Variants in NFIA observed in about 807,000 individuals in gnomAD.
NFIA encodes the protein nuclear factor 1 A-type.
Under a neutral mutation model 62.8 loss-of-function variants are expected in NFIA, and 8 were observed. The observed-to-expected ratio is 0.13, with a 90% CI of 0.07 to 0.23. The LOEUF (loss-of-function observed/expected upper bound fraction) is 0.23. NFIA is among the 10% of genes least tolerant of loss of function. The pLI is 1.00. For synonymous variants in NFIA, 235 were observed against 238.1 expected (o/e 0.99, Z 0.12); for missense variants, 410 against 642.1 (o/e 0.64, Z 3.91).
intron 2 of NFIA, among the ~76,000 whole-genome samples, chr1:61,198,203 A>G (rs1392683517): frequency 6.6e-6 from 1 of 152,232 alleles, no homozygotes; most frequent in Non-Finnish European, 1.5e-5. Flanking sequence ...CAGAAAAAAA[A>G]TTCTGGGAGA....
upstream of NFIA, among the ~76,000 whole-genome samples, chr1:61,081,386 G>T (rs578130431): frequency 1.4e-4 from 21 of 151,972 alleles, no homozygotes; most frequent in Non-Finnish European, 3.1e-4. Flanking sequence ...TCCATTTTAA[G>T]AACTATTACC....
rs1054280550 is a variant in NFIA, at chr1:61,460,874, G to A, written c.*5554G>A. ...CAAAGTTATGTTAGTCTTTTTTTCC[G>A]ACTTGGTTCTTGTCAGCTAGGTTTA... On this transcript the variant is annotated 3_prime_UTR_variant, in exon 11 of 11. Transcript: ENST00000403491. 7.2e-5 allele frequency: 11 copies of A among 152,032 alleles called. No individual in the cohort carries two copies. The highest frequency in any genetic ancestry group is 1.2e-4 in the Non-Finnish European group (8 of 68,002). 9.4% of individuals were successfully genotyped at this position (152,032 alleles called of 1,614,324 possible).
intron 2 of NFIA, among the ~76,000 whole-genome samples, chr1:61,140,598 A>G (rs1010967574): frequency 6.6e-6 from 1 of 152,046 alleles, no homozygotes; most frequent in Admixed American, 6.6e-5. Flanking sequence ...AGCCTGGGAT[A>G]TGGAGAACTC....
At chr1:61,205,386 G>A (rs1652826471) in intron 2 of NFIA, among the ~76,000 whole-genome samples, 2 of 152,128 alleles carry the variant, frequency 1.3e-5, no homozygotes, top group Non-Finnish European at 2.9e-5. Flanking sequence ...CTTAGCAGTT[G>A]TATAAAAAGC....
chr1:61,340,754 G>C (rs575713741), intron 4 of NFIA, among the ~76,000 whole-genome samples: 1 of 151,296 alleles, frequency 6.6e-6, no homozygotes, highest in African/African-American at 2.5e-5. Context: ...TAGAATTCAT[G>C]TTCTAACAAC....
At chr1:61,281,281 G>A (rs1292048930) in intron 3 of NFIA, among the ~76,000 whole-genome samples, 3 of 151,742 alleles carry the variant, frequency 2.0e-5, no homozygotes, top group South Asian at 2.1e-4. Context: ...CTAAAAGGAC[G>A]TATCTCATGA....
At chr1:61,235,499 TAAATAAAAATAAAAAATA>T (rs1201805994) in intron 2 of NFIA, among the ~76,000 whole-genome samples, 1 of 142,802 alleles carries the variant, frequency 7.0e-6, no homozygotes, top group Admixed American at 7.0e-5. Flanking sequence ...AATAAATAAA[TAAATAAAAATAAAAAATA>T]AAAAAAAATG....
intron 2 of NFIA, among the ~76,000 whole-genome samples, chr1:61,128,678 A>T (rs1034272327): frequency 1.3e-5 from 2 of 152,154 alleles, no homozygotes; most frequent in East Asian, 1.9e-4. Flanking sequence ...AACCCCGATC[A>T]CATGTTGTTG....
At chr1:61,378,422 A>C (rs1486688363) in intron 6 of NFIA, among the ~76,000 whole-genome samples, 1 of 152,218 alleles carries the variant, frequency 6.6e-6, no homozygotes, top group Non-Finnish European at 1.5e-5. Flanking sequence ...GTGAAAGACT[A>C]TACAACCTAG....
At chr1:61,174,958 G>C (rs1039401033) in intron 2 of NFIA, among the ~76,000 whole-genome samples, 2 of 152,034 alleles carry the variant, frequency 1.3e-5, no homozygotes, top group African/African-American at 4.8e-5. Flanking sequence ...TTTGTAGCTA[G>C]AACATGCTTA....
At chr1:61,082,441 G>GGCGCGCGGGCA, upstream of NFIA, 1 of 1,033,306 alleles carries the variant, frequency 9.7e-7, no homozygotes, top group South Asian at 3.2e-5. Flanking sequence ...GGCGGAGGCG[G>GGCGCGCGGGCA]GCGCGCGGGC....
In NFIA at chr1:61,455,354, C is replaced by T; in HGVS notation, c.*34C>T. The T allele has an allele frequency of 6.2e-7, 1 of 1,614,100 alleles. No individual in the cohort carries two copies. The highest frequency in any genetic ancestry group is 8.5e-7 in the Non-Finnish European group (1 of 1,179,990). On this transcript the variant is annotated 3_prime_UTR_variant, in exon 11 of 11. Transcript: ENST00000403491. ...GCGTCCCACCATCCACCAGACAGAC[C>T]ACCTGACCCCTTCTCAACTCTGTAA... is the stretch of plus-strand genomic sequence containing the variant.
chr1:61,272,506 A>T (rs1657573755), intron 2 of NFIA, among the ~76,000 whole-genome samples: 1 of 152,202 alleles, frequency 6.6e-6, no homozygotes. Context: ...GAGTAATTTT[A>T]AAAATTATGT....
chr1:61,312,055 C>T (rs1225445873), intron 3 of NFIA, among the ~76,000 whole-genome samples: 2 of 152,192 alleles, frequency 1.3e-5, no homozygotes, highest in South Asian at 2.1e-4. Context: ...GTTATTTCAT[C>T]GGGGTTGGCT....
chr1:61,284,501 C>T (rs148457779), intron 3 of NFIA, among the ~76,000 whole-genome samples: 2,626 of 151,578 alleles, frequency 0.017, 60 homozygotes, highest in Non-Finnish European at 0.021. Context: ...AAGTGCATGA[C>T]GCAGTGGAGG....
intron 3 of NFIA, among the ~76,000 whole-genome samples, chr1:61,294,980 G>A (rs533596800): frequency 6.6e-6 from 1 of 152,280 alleles, no homozygotes; most frequent in Non-Finnish European, 1.5e-5. Context: ...GGGTACTCTG[G>A]TACCTGGAGG....
intron 2 of NFIA, among the ~76,000 whole-genome samples, chr1:61,111,036 A>G (rs901797412): frequency 3.3e-5 from 5 of 152,132 alleles, no homozygotes; most frequent in Non-Finnish European, 7.4e-5. Context: ...ACTTGTTAGA[A>G]TTAAGACTCA....
intron 2 of NFIA, among the ~76,000 whole-genome samples, chr1:61,158,584 T>C (rs535713367): frequency 6.6e-6 from 1 of 152,342 alleles, no homozygotes; most frequent in South Asian, 2.1e-4. Context: ...TGTCTCAGTA[T>C]TCTGGTTTCT....
intron 2 of NFIA, among the ~76,000 whole-genome samples, chr1:61,189,114 C>A (rs1003189389): frequency 1.4e-4 from 22 of 152,078 alleles, no homozygotes; most frequent in Admixed American, 7.9e-4. Flanking sequence ...AGTAGGGTAA[C>A]GGGTCAAGGA....
Sources: allele counts gnomAD v4.1 joint callset (sites outside exome capture counted in the v4.1 genomes callset), GRCh38; gene constraint gnomAD v4.1.1; transcripts MANE v1.5; gene names NCBI Gene and HGNC (gene_info 2026-07-23, HGNC 2026-07-21).